The following ANKS1B variants were observed in gnomAD, a reference collection of about 807,000 sequenced individuals.
The protein encoded by ANKS1B is ankyrin repeat and sterile alpha motif domain containing 1B.
In ANKS1B, 36 loss-of-function variants were observed where a neutral mutation model predicts 148.3. That is an observed-to-expected ratio of 0.24 (90% CI 0.19 to 0.32). The LOEUF (loss-of-function observed/expected upper bound fraction) is 0.32. Ranked by LOEUF, ANKS1B falls within the 10% of genes least tolerant of loss-of-function variation. ANKS1B has a pLI of 1.00. For synonymous variants in ANKS1B, 542 were observed against 560.8 expected, an observed-to-expected ratio of 0.97 and a Z score of 0.47; for missense variants, 1,157 against 1,542.6, an observed-to-expected ratio of 0.75 and a Z score of 4.19.
intron 17 of ANKS1B, among the ~76,000 whole-genome samples, chr12:98,965,494 G>C (rs1314597174): frequency 6.6e-6 from 1 of 152,138 alleles, no homozygotes; most frequent in Non-Finnish European, 1.5e-5. Context: ...TAGTTGAAAT[G>C]ACTCTGATTT....
chr12:99,345,370 CA>C (rs1249848716), intron 12 of ANKS1B, among the ~76,000 whole-genome samples: 2 of 151,778 alleles, frequency 1.3e-5, no homozygotes, highest in African/African-American at 4.8e-5. Flanking sequence ...CAAAGGAAGA[CA>C]AAATAGTTTA....
At chr12:99,672,443 G>A (rs1308438155) in intron 8 of ANKS1B, among the ~76,000 whole-genome samples, 2 of 152,096 alleles carry the variant, frequency 1.3e-5, no homozygotes, top group Admixed American at 1.3e-4. Context: ...ATCTGACCCT[G>A]TGCCACTAAA....
chr12:99,222,385 A>G (rs1287187950), intron 14 of ANKS1B, among the ~76,000 whole-genome samples: 1 of 152,198 alleles, frequency 6.6e-6, no homozygotes, highest in Non-Finnish European at 1.5e-5. Context: ...AAGCCAAGGC[A>G]GGTGGATCTC....
intron 9 of ANKS1B, among the ~76,000 whole-genome samples, chr12:99,522,653 T>C (rs1160760141): frequency 1.3e-5 from 2 of 152,198 alleles, no homozygotes; most frequent in Non-Finnish European, 2.9e-5. Context: ...AAATTCATCA[T>C]GGAGCTATGT....
intron 15 of ANKS1B, among the ~76,000 whole-genome samples, chr12:99,129,482 A>T (rs1213999723): frequency 2.0e-5 from 3 of 152,212 alleles, no homozygotes; most frequent in Non-Finnish European, 4.4e-5. Flanking sequence ...TTTGAGGTGC[A>T]GTCACAAAAG....
chr12:99,457,992 GGGGAC>G, intron 10 of ANKS1B, among the ~76,000 whole-genome samples: 1 of 152,042 alleles, frequency 6.6e-6, no homozygotes, highest in East Asian at 1.9e-4. Flanking sequence ...CATCAGCACA[GGGGAC>G]ATTCTCCAAG....
chr12:99,654,334 T>C (rs2098439744), intron 9 of ANKS1B, among the ~76,000 whole-genome samples: 1 of 152,196 alleles, frequency 6.6e-6, no homozygotes, highest in Non-Finnish European at 1.5e-5. Flanking sequence ...TCTTCTGTCC[T>C]GGACTGCTTT....
intron 12 of ANKS1B, among the ~76,000 whole-genome samples, chr12:99,257,041 G>C (rs774579796): frequency 6.6e-6 from 1 of 152,032 alleles, no homozygotes; most frequent in African/African-American, 2.4e-5. Flanking sequence ...TCAGGAGATC[G>C]AGACCATCCT....
chr12:99,952,800 C>T (rs542348580), intron 1 of ANKS1B, among the ~76,000 whole-genome samples: 1 of 152,292 alleles, frequency 6.6e-6, no homozygotes, highest in South Asian at 2.1e-4. Flanking sequence ...TAGCATTCTT[C>T]CTTTATTTTT....
intron 14 of ANKS1B, among the ~76,000 whole-genome samples, chr12:99,193,355 C>T (rs577277211): frequency 8.5e-5 from 13 of 152,298 alleles, no homozygotes; most frequent in African/African-American, 3.1e-4. Context: ...CACACAGGTC[C>T]TACCCTATAC....
At chr12:99,904,604 C>G (rs1170474691) in intron 1 of ANKS1B, among the ~76,000 whole-genome samples, 1 of 152,226 alleles carries the variant, frequency 6.6e-6, no homozygotes, top group Non-Finnish European at 1.5e-5. Flanking sequence ...CCAACTCCCA[C>G]TTCACATATG....
chr12:99,093,961 C>T (rs1002592812), intron 15 of ANKS1B, among the ~76,000 whole-genome samples: 2 of 152,248 alleles, frequency 1.3e-5, no homozygotes, highest in South Asian at 2.1e-4. Context: ...ATTTAAGTGG[C>T]ATCATGTATT....
chr12:99,168,362 C>CA (rs1157242338), intron 14 of ANKS1B, among the ~76,000 whole-genome samples: 4 of 151,592 alleles, frequency 2.6e-5, no homozygotes, highest in African/African-American at 7.2e-5. Flanking sequence ...ATTAAAAATA[C>CA]AAAAAAATTA....
chr12:99,731,853 T>A (rs1388749581), intron 8 of ANKS1B, among the ~76,000 whole-genome samples: 1 of 152,160 alleles, frequency 6.6e-6, no homozygotes, highest in East Asian at 1.9e-4. Context: ...CTTTAAAAGA[T>A]ACTGTTTGAA....
intron 9 of ANKS1B, chr12:99,649,309 G>A: frequency 6.2e-7 from 1 of 1,614,110 alleles, no homozygotes; most frequent in East Asian, 2.2e-5. Flanking sequence ...GAAGTTTTGT[G>A]AAGAGAAGGA....
chr12:99,120,186 G>T (rs1388912164), intron 15 of ANKS1B, among the ~76,000 whole-genome samples: 1 of 152,144 alleles, frequency 6.6e-6, no homozygotes, highest in Non-Finnish European at 1.5e-5. Context: ...CTAGCATTAA[G>T]CACATCCTTG....
chr12:99,682,564 A>T (rs903870671), intron 8 of ANKS1B, among the ~76,000 whole-genome samples: 1 of 152,216 alleles, frequency 6.6e-6, no homozygotes, highest in Non-Finnish European at 1.5e-5. Context: ...CTGAACAATA[A>T]TAGTGACACA....
intron 12 of ANKS1B, among the ~76,000 whole-genome samples, chr12:99,392,285 T>A (rs185045575): frequency 6.6e-6 from 1 of 152,250 alleles, no homozygotes. Flanking sequence ...AGGCCTTCAT[T>A]TGCCTTTCTG....
intron 12 of ANKS1B, among the ~76,000 whole-genome samples, chr12:99,331,943 G>C (rs2087646329): frequency 6.6e-6 from 1 of 152,012 alleles, no homozygotes; most frequent in Non-Finnish European, 1.5e-5. Context: ...AATAAAGGCA[G>C]TAAAGATTAA....
Sources: gnomAD v4.1 joint callset for allele counts (sites outside exome capture counted in the v4.1 genomes callset) on GRCh38, gnomAD v4.1.1 for gene constraint, MANE v1.5 for transcripts, NCBI Gene and HGNC (gene_info 2026-07-23, HGNC 2026-07-21) for gene names.